Variants in TRIM42 observed in about 807,000 individuals in gnomAD.
TRIM42 encodes tripartite motif-containing protein 42.
A neutral mutation model predicts 64.9 loss-of-function variants in TRIM42; 59 were observed. The observed-to-expected ratio is 0.91, with a 90% confidence interval of 0.74 to 1.13. The LOEUF is 1.13. Ranked by LOEUF, TRIM42 falls within the 50% of genes most tolerant of loss-of-function variation. The pLI, the probability that TRIM42 is intolerant of heterozygous loss-of-function variation, is 0.00. For synonymous variants in TRIM42, 354 were observed against 346.3 expected (o/e 1.02, Z -0.25); for missense variants, 878 against 929.5 (o/e 0.94, Z 0.72).
intron 1 of TRIM42, 72 bp downstream of exon 1, chr3:140,678,642 T>G: frequency 7.6e-7 from 1 of 1,316,426 alleles, no homozygotes; most frequent in South Asian, 1.4e-5. Flanking sequence ...AGCTGTGAAG[T>G]CTACAGGGCA....
chr3:140,691,278 A>G, intron 4 of TRIM42, 86 bp downstream of exon 4: 1 of 1,130,356 alleles, frequency 8.8e-7, no homozygotes, highest in Admixed American at 1.8e-5. Context: ...GTGAGATTAT[A>G]GAACTCACTA....
intron 2 of TRIM42, 122 bp from the exon 3 acceptor site, chr3:140,687,600 G>A (rs1329745235): frequency 8.4e-6 from 6 of 711,504 alleles, no homozygotes; most frequent in Non-Finnish European, 1.2e-5. Context: ...CCAACTACAA[G>A]TGCCTTCCCT....
chr3:140,681,841 G>A (rs906184067), intron 1 of TRIM42, among the ~76,000 whole-genome samples: 1 of 149,406 alleles, frequency 6.7e-6, no homozygotes, highest in Admixed American at 6.7e-5. Flanking sequence ...TAGAAGGTAG[G>A]AAGAACAGAG....
intron 2 of TRIM42, among the ~76,000 whole-genome samples, chr3:140,686,774 G>A (rs1988555065): frequency 6.6e-6 from 1 of 152,094 alleles, no homozygotes; most frequent in African/African-American, 2.4e-5. Context: ...ACCACAGAAG[G>A]GTGACATTCT....
intron 1 of TRIM42, among the ~76,000 whole-genome samples, chr3:140,679,599 T>C (rs931496898): frequency 1.3e-5 from 2 of 152,078 alleles, no homozygotes; most frequent in Non-Finnish European, 2.9e-5. Flanking sequence ...CAAACATAGC[T>C]CTCCACCCAT....
chr3:140,692,562 C>CACACACACACACACACACAGAG (rs375439126), intron 4 of TRIM42, among the ~76,000 whole-genome samples: 2,043 of 113,850 alleles, frequency 0.018, 29 homozygotes, highest in African/African-American at 0.031. Context: ...CACACACACA[C>CACACACACACACACACACAGAG]AGAGAGAGAT....
At position 140,700,952 on chromosome 3, in the gene TRIM42, C is replaced by G. The variant is rs1454934654; in HGVS notation, c.2150C>G (p.Ser717Cys). Residue 717 changes from serine to cysteine, a missense_variant, in exon 5 of 5, where the codon TCT becomes TGT. Ser to Cys is a moderately radical substitution (Grantham distance 112). Coordinates refer to ENST00000286349, the MANE Select transcript of TRIM42 (RefSeq NM_152616.5). Reference sequence around the variant, plus strand: ...TGGGGCCTGCTGAAGAATATCCAGTCTGCCCTCCAGAAGCACTTCTGAGCC... The same window carrying G: ...TGGGGCCTGCTGAAGAATATCCAGTGTGCCCTCCAGAAGCACTTCTGAGCC... The part of the protein sequence containing the change: ...AKWGLLKNIQ[S>C]ALQKHF 6.2e-6 allele frequency: 10 copies of G among 1,614,090 alleles called. No individual in the cohort carries two copies. Among genetic ancestry groups the G allele is most frequent in the Non-Finnish European group, 8.5e-6 (10 of 1,179,946 alleles).
rs775891829 is a variant in TRIM42, at chr3:140,683,065, C to T, written c.945C>T (p.Phe315=). ...AATTGCTCTGCACCTTCTGCAAGTT[C>T]TCTTTCCACAATGGCCACGACACCA... is the stretch of plus-strand genomic sequence containing the variant. ...DNKLLCTFCK[F]SFHNGHDTIS... is the part of the protein sequence containing the mutation. Residue 315 remains phenylalanine (F), a synonymous_variant, in exon 2 of 5, where the codon TTC becomes TTT. Coordinates refer to ENST00000286349, the MANE Select transcript of TRIM42 (RefSeq NM_152616.5). The T allele has an allele frequency of 6.2e-7, 1 of 1,614,236 alleles. No homozygotes were observed.
rs776718387 is a variant in TRIM42, at chr3:140,688,543, G to GT, written c.1860+2dup. 1.4e-5 allele frequency: 22 copies of GT among 1,601,760 alleles called. No individual in the cohort carries two copies. The highest frequency in any genetic ancestry group is 1.7e-5 in the Non-Finnish European group (20 of 1,173,492). On this transcript the variant is annotated splice_donor_variant, in intron 3 of 4. Transcript: ENST00000286349. LOFTEE classifies it high-confidence loss of function. ...TCTGGTGTACCCAAGAGCTGCCAAG[G>GT]TAAGAAAGGTTCTGGGCCCAGTGGG...
chr3:140,688,658 A>G, intron 3 of TRIM42, 116 bp downstream of exon 3: 2 of 778,828 alleles, frequency 2.6e-6, no homozygotes, highest in South Asian at 3.8e-5. Context: ...GGTCACTCAT[A>G]TCTGCTCCTC....
chr3:140,682,725 A>C lies in TRIM42; in HGVS notation c.605A>C (p.Lys202Thr). ...DRSHCMPYSNKMQLPENYLHG... is the reference protein window; with the variant it reads ...DRSHCMPYSNTMQLPENYLHG... ...TCGCACTGCATGCCCTACAGCAACA[A>C]GATGCAGCTGCCCGAGAACTACCTG... Residue 202 changes from lysine to threonine, a missense_variant, in exon 2 of 5, where the codon AAG becomes ACG. Lys to Thr is a moderately conservative substitution (Grantham distance 78). Coordinates refer to ENST00000286349, the MANE Select transcript of TRIM42 (RefSeq NM_152616.5). The C allele has an allele frequency of 1.2e-6, 2 of 1,612,732 alleles. No homozygotes were observed. The highest frequency in any genetic ancestry group is 2.2e-5 in the South Asian group (2 of 91,080).
intron 4 of TRIM42, among the ~76,000 whole-genome samples, chr3:140,696,519 C>G (rs59466027): frequency 0.07 from 10,602 of 152,202 alleles, 768 homozygotes; most frequent in African/African-American, 0.18. Context: ...GGTGTGTAAG[C>G]GTTCTCTGGG....
At chr3:140,699,946 G>C (rs1272719092) in intron 4 of TRIM42, among the ~76,000 whole-genome samples, 2 of 152,140 alleles carry the variant, frequency 1.3e-5, no homozygotes, top group South Asian at 2.1e-4. Flanking sequence ...AAGGTTAAAA[G>C]CTTTGTACAT....
rs908032852 is a variant in TRIM42, at chr3:140,691,171, G to A, written c.2064G>A (p.Gly688=). The A allele has an allele frequency of 3.1e-6, 5 of 1,613,954 alleles. No individual in the cohort carries two copies. The highest frequency in any genetic ancestry group is 3.3e-5 in the Admixed American group (2 of 60,002). The stretch of plus-strand genomic sequence containing the variant: ...GAGCCATCAATGATAATGGTCCTGG[G>A]CAATGGAGTGATATCTGCAAGGTAT... ...KVRAINDNGP[G]QWSDICKVVT... Residue 688 remains glycine (G), a synonymous_variant, in exon 4 of 5, where the codon GGG becomes GGA. Transcript: ENST00000286349.
At position 140,688,251 on chromosome 3, in the gene TRIM42, C is replaced by T; in HGVS notation, c.1569C>T (p.Ser523=). The part of the protein sequence containing the change: ...ETMIARKVTF[S]THSLGNQHIY... ...TGATTGCCAGGAAGGTCACTTTCAG[C>T]ACCCACAGCCTCGGCAACCAGCACA... The change falls in exon 3 of 5, where the codon AGC becomes AGT. Residue 523 remains serine, a synonymous_variant. Transcript: ENST00000286349. 1 of 1,614,216 alleles carries T rather than the reference C, an allele frequency of 6.2e-7. No homozygotes were observed. The highest frequency in any genetic ancestry group is 8.5e-7 in the Non-Finnish European group (1 of 1,180,038).
rs756297389 is a variant in TRIM42, at chr3:140,683,038, C to T, written c.918C>T (p.Asn306=). 5 of 1,614,126 alleles carry T rather than the reference C, an allele frequency of 3.1e-6. No homozygotes were observed. In the African/African-American group the frequency reaches 6.7e-5, roughly 22 times the overall value. ...TCATCGAGTACTGCCGCAATGACAA[C>T]AAATTGCTCTGCACCTTCTGCAAGT... ...SRIIEYCRND[N]KLLCTFCKFS... The change falls in exon 2 of 5, where the codon AAC becomes AAT. Residue 306 remains asparagine (N), a synonymous_variant. Coordinates refer to ENST00000286349, the MANE Select transcript of TRIM42 (RefSeq NM_152616.5).
chr3:140,687,181 G>A (rs1988565143), intron 2 of TRIM42, among the ~76,000 whole-genome samples: 3 of 152,094 alleles, frequency 2.0e-5, no homozygotes. Context: ...GACAAAGGGG[G>A]GAAAAGGGCA....
At chr3:140,683,949 TG>T (rs1462302382) in intron 2 of TRIM42, among the ~76,000 whole-genome samples, 2 of 152,226 alleles carry the variant, frequency 1.3e-5, no homozygotes, top group Non-Finnish European at 2.9e-5. Context: ...CCATAATTTC[TG>T]GTTTCAGGGA....
intron 4 of TRIM42, among the ~76,000 whole-genome samples, chr3:140,695,341 T>C (rs1988821126): frequency 6.6e-6 from 1 of 152,174 alleles, no homozygotes; most frequent in Non-Finnish European, 1.5e-5. Flanking sequence ...GATTGGGACA[T>C]GGACATCTCT....
Sources: gnomAD v4.1 joint callset for allele counts (sites outside exome capture counted in the v4.1 genomes callset) on GRCh38, gnomAD v4.1.1 for gene constraint, MANE v1.5 for transcripts, NCBI Gene and HGNC (gene_info 2026-07-23, HGNC 2026-07-21) for gene names.